The following ATP2B2 variants were observed in gnomAD, a reference collection of about 807,000 sequenced individuals.
ATP2B2 encodes plasma membrane calcium-transporting ATPase 2.
In ATP2B2, 15 loss-of-function variants were observed where a neutral mutation model predicts 120.0. The ratio of observed to expected loss-of-function variants is 0.12; its 90% CI spans 0.08 to 0.19. The LOEUF is 0.19. ATP2B2 is among the 10% of genes least tolerant of loss of function. The probability of loss-of-function intolerance (pLI) is 1.00; values close to 1 mark genes in which losing one functional copy is unlikely to be tolerated. For missense variants in ATP2B2, 1,045 were observed against 1,719.8 expected, an observed-to-expected ratio of 0.61 and a Z score of 6.94; for synonymous variants, 694 against 700.3, an observed-to-expected ratio of 0.99 and a Z score of 0.14.
chr3:10,685,440 G>C (rs1001887296), intron 1 of ATP2B2, among the ~76,000 whole-genome samples: 2 of 152,170 alleles, frequency 1.3e-5, no homozygotes, highest in African/African-American at 4.8e-5. Context: ...TCCAGCTGAG[G>C]TGTCTCCAGT....
chr3:10,410,923 G>C (rs2062589717), intron 2 of ATP2B2, 108 bp from the exon 3 acceptor site: 2 of 1,348,652 alleles, frequency 1.5e-6, no homozygotes, highest in South Asian at 2.4e-5. Flanking sequence ...CTTGCTGGTG[G>C]CTGGCCCAGG....
intron 2 of ATP2B2, among the ~76,000 whole-genome samples, chr3:10,560,621 C>G (rs2067881093): frequency 6.6e-6 from 1 of 152,202 alleles, no homozygotes; most frequent in African/African-American, 2.4e-5. Context: ...GATTCTATAT[C>G]TAGCACCTTG....
At chr3:10,416,083 G>T (rs1402884202) in intron 2 of ATP2B2, among the ~76,000 whole-genome samples, 2 of 152,182 alleles carry the variant, frequency 1.3e-5, no homozygotes, top group Admixed American at 6.5e-5. Context: ...AACTGTAAAG[G>T]CATGCACTTT....
chr3:10,521,724 G>C (rs2066988764), intron 3 of ATP2B2, among the ~76,000 whole-genome samples: 1 of 152,238 alleles, frequency 6.6e-6, no homozygotes, highest in East Asian at 1.9e-4. Flanking sequence ...TCCTTAGGGA[G>C]TTAGTCTGAG....
chr3:10,485,002 G>A (rs1299858751), intron 1 of ATP2B2, among the ~76,000 whole-genome samples: 2 of 152,222 alleles, frequency 1.3e-5, no homozygotes, highest in East Asian at 3.9e-4. Context: ...CAGGCCTTAA[G>A]CTGACCTGAC....
At chr3:10,693,605 G>C (rs1265276133) in intron 1 of ATP2B2, among the ~76,000 whole-genome samples, 1 of 152,200 alleles carries the variant, frequency 6.6e-6, no homozygotes, top group African/African-American at 2.4e-5. Flanking sequence ...CTGTTTCTTT[G>C]CGGTGATATG....
At chr3:10,696,396 CCT>C (rs146368457) in intron 1 of ATP2B2, among the ~76,000 whole-genome samples, 107 of 148,328 alleles carry the variant, frequency 7.2e-4, no homozygotes, top group South Asian at 8.4e-4. Context: ...GCGATTGATT[CCT>C]CTCTCTCTCT....
intron 2 of ATP2B2, among the ~76,000 whole-genome samples, chr3:10,426,407 G>A (rs2063146480): frequency 1.3e-5 from 2 of 152,182 alleles, no homozygotes; most frequent in Admixed American, 6.5e-5. Context: ...CCAAAGCAAC[G>A]TCTGCTCTAA....
At chr3:10,559,707 A>G (rs2067860263) in intron 2 of ATP2B2, among the ~76,000 whole-genome samples, 1 of 152,170 alleles carries the variant, frequency 6.6e-6, no homozygotes, top group African/African-American at 2.4e-5. Context: ...TATGGAGATA[A>G]TCTGCACAAC....
chr3:10,582,210 G>A (rs183668718), intron 2 of ATP2B2, among the ~76,000 whole-genome samples: 59 of 152,262 alleles, frequency 3.9e-4, no homozygotes, highest in Admixed American at 9.8e-4. Flanking sequence ...TGGGGGGACC[G>A]GGGATCTGGG....
chr3:10,404,518 G>A (rs1394361251), intron 3 of ATP2B2, among the ~76,000 whole-genome samples: 4 of 152,182 alleles, frequency 2.6e-5, no homozygotes, highest in Non-Finnish European at 4.4e-5. Flanking sequence ...GAGAGCCTTC[G>A]GGTAAAACAC....
intron 1 of ATP2B2, among the ~76,000 whole-genome samples, chr3:10,628,336 C>A (rs559975261): frequency 4.6e-5 from 7 of 150,642 alleles, no homozygotes; most frequent in African/African-American, 1.5e-4. Flanking sequence ...TGCCACCATC[C>A]AGGCAAGAGG....
chr3:10,489,004 C>T (rs1328066857), intron 1 of ATP2B2, among the ~76,000 whole-genome samples: 1 of 152,190 alleles, frequency 6.6e-6, no homozygotes, highest in Non-Finnish European at 1.5e-5. Flanking sequence ...AATTCATCTC[C>T]TACCCCTGCC....
intron 2 of ATP2B2, among the ~76,000 whole-genome samples, chr3:10,571,074 A>G (rs149244511): frequency 3.9e-5 from 6 of 152,354 alleles, no homozygotes; most frequent in Non-Finnish European, 8.8e-5. Flanking sequence ...CCGTTGCTCT[A>G]AGAATTTACA....
chr3:10,497,851 G>A (rs1160674913), intron 1 of ATP2B2, among the ~76,000 whole-genome samples: 4 of 152,222 alleles, frequency 2.6e-5, no homozygotes, highest in African/African-American at 7.2e-5. Flanking sequence ...GCAAGCAGGT[G>A]TTCTTTTGCT....
intron 1 of ATP2B2, among the ~76,000 whole-genome samples, chr3:10,634,048 C>T (rs990479870): frequency 6.6e-6 from 1 of 152,198 alleles, no homozygotes; most frequent in Non-Finnish European, 1.5e-5. Context: ...TCCTTGCCGC[C>T]TTTCTGCCTA....
intron 1 of ATP2B2, among the ~76,000 whole-genome samples, chr3:10,647,262 G>A (rs1206761958): frequency 1.3e-5 from 2 of 151,928 alleles, no homozygotes; most frequent in East Asian, 3.9e-4. Flanking sequence ...AGAGGAGATG[G>A]GCTCAGAGGA....
intron 3 of ATP2B2, among the ~76,000 whole-genome samples, chr3:10,521,833 C>T (rs1398638532): frequency 2.0e-5 from 3 of 152,186 alleles, no homozygotes; most frequent in Non-Finnish European, 4.4e-5. Context: ...TCAGAGGCCA[C>T]GCCAGCCACA....
rs114774098 is a variant in ATP2B2, at chr3:10,444,492, C to T, written c.199+4853G>A. Among the ~76,000 whole-genome samples, 1,225 of 152,326 alleles carry T rather than the reference C, an allele frequency of 8.0e-3. 14 individuals carry two copies. The highest frequency in any genetic ancestry group is 0.028 in the African/African-American group (1,152 of 41,570). Reference sequence around the variant, plus strand: ...CTGCTCTCTCGTCCTCCCTCAGCCCCGCTCTCTCCTCCACTTGGGCAGGCT... The same window carrying T: ...CTGCTCTCTCGTCCTCCCTCAGCCCTGCTCTCTCCTCCACTTGGGCAGGCT... On this transcript the variant is annotated intron_variant, in intron 2 of 22. Transcript: ENST00000360273.
Sources: allele counts gnomAD v4.1 joint callset (sites outside exome capture counted in the v4.1 genomes callset), GRCh38; gene constraint gnomAD v4.1.1; transcripts MANE v1.5; gene names NCBI Gene and HGNC (gene_info 2026-07-23, HGNC 2026-07-21).